Variants in NDST3 observed in about 807,000 individuals in gnomAD.
The protein encoded by NDST3 is bifunctional heparan sulfate N-deacetylase/N-sulfotransferase 3.
A neutral mutation model predicts 96.1 loss-of-function variants in NDST3; 58 were observed. The ratio of observed to expected loss-of-function variants is 0.60; its 90% CI spans 0.49 to 0.75. The LOEUF is 0.75. Among genes scored for constraint, NDST3 ranks in the 30% least tolerant of loss-of-function variants. NDST3 has a pLI of 0.00. For missense variants in NDST3, 788 were observed against 1,034.2 expected (o/e 0.76, Z 3.27); for synonymous variants, 333 against 359.7 (o/e 0.93, Z 0.84).
chr4:118,133,052 C>G lies in NDST3; in HGVS notation c.1225-5002C>G, dbSNP rs11940880. Among the ~76,000 whole-genome samples, 841 of 152,254 alleles carry G rather than the reference C, an allele frequency of 5.5e-3. 9 individuals carry two copies. Among genetic ancestry groups the G allele is most frequent in the African/African-American group, 0.019 (807 of 41,540 alleles). On this transcript the variant is annotated intron_variant, in intron 4 of 13. Transcript: ENST00000296499. The stretch of plus-strand genomic sequence containing the variant: ...TGGGGGAGGAGTGGCGCAAGCAATC[C>G]TTTAGCTGCTCTGGCTAGTGTCTCC...
chr4:118,213,815 T>C (rs898877495), intron 6 of NDST3, among the ~76,000 whole-genome samples: 2 of 151,670 alleles, frequency 1.3e-5, no homozygotes, highest in African/African-American at 4.8e-5. Context: ...ACATTTTCTG[T>C]TTTTTACCTT....
At chr4:118,239,815 C>T (rs115472371) in intron 10 of NDST3, among the ~76,000 whole-genome samples, 11 of 152,264 alleles carry the variant, frequency 7.2e-5, no homozygotes, top group Non-Finnish European at 2.9e-5. Flanking sequence ...AAACTCACCA[C>T]TAAGCCTGAA....
At chr4:118,254,111 G>A (rs1056909917) in intron 13 of NDST3, among the ~76,000 whole-genome samples, 4 of 152,040 alleles carry the variant, frequency 2.6e-5, no homozygotes, top group Non-Finnish European at 4.4e-5. Flanking sequence ...TGGGCATGGT[G>A]GCAGGCACCT....
In NDST3 at chr4:118,241,602, C is replaced by A. The variant is rs187133786; in HGVS notation, c.2290-438C>A. Reference sequence around the variant, plus strand: ...TGGATTATCGAAATATTTCTTCAAACCTGACAGTGCTATTCCTGAAAGGAA... The same window carrying A: ...TGGATTATCGAAATATTTCTTCAAAACTGACAGTGCTATTCCTGAAAGGAA... On this transcript the variant is annotated intron_variant, in intron 11 of 13. Coordinates refer to ENST00000296499, the MANE Select transcript of NDST3 (RefSeq NM_004784.3). Among the ~76,000 whole-genome samples the A allele has an allele frequency of 7.9e-5, 12 of 152,352 alleles. No individual in the cohort carries two copies. In the East Asian group the frequency reaches 2.3e-3, roughly 29 times the overall value.
At chr4:118,105,333 T>C (rs550656741) in intron 3 of NDST3, among the ~76,000 whole-genome samples, 30 of 152,308 alleles carry the variant, frequency 2.0e-4, no homozygotes, top group Non-Finnish European at 4.0e-4. Context: ...ATAATTTACA[T>C]ATATAGAAGT....
intron 2 of NDST3, among the ~76,000 whole-genome samples, chr4:118,075,465 A>G (rs1484599784): frequency 2.0e-5 from 3 of 152,210 alleles, no homozygotes; most frequent in Non-Finnish European, 2.9e-5. Flanking sequence ...TCCTTGAGGA[A>G]TCACCACACT....
rs566100457 is a variant in NDST3, at chr4:118,149,121, T to A, written c.1539+5437T>A. Among the ~76,000 whole-genome samples, 10 of 152,314 alleles carry A rather than the reference T, an allele frequency of 6.6e-5. No individual in the cohort carries two copies. In the East Asian group the frequency reaches 1.9e-3, roughly 29 times the overall value. Reference sequence around the variant, plus strand: ...TCTGTTCCATTGATCTATATCTGTGTTTTGGTACCAGTACCATGCTGTTTT... The same window carrying A: ...TCTGTTCCATTGATCTATATCTGTGATTTGGTACCAGTACCATGCTGTTTT... On this transcript the variant is annotated intron_variant, in intron 6 of 13. Transcript: ENST00000296499.
intron 12 of NDST3, 28 bp downstream of exon 12, chr4:118,242,177 G>A (rs1741048482): frequency 2.8e-6 from 4 of 1,438,604 alleles, no homozygotes; most frequent in East Asian, 4.6e-5. Flanking sequence ...TTAGTTTATT[G>A]ACATTTCAGC....
At chr4:118,209,649 T>A (rs1175727867) in intron 6 of NDST3, among the ~76,000 whole-genome samples, 1 of 152,164 alleles carries the variant, frequency 6.6e-6, no homozygotes, top group Non-Finnish European at 1.5e-5. Context: ...ACATAAATGT[T>A]ATAAAAAAGA....
intron 4 of NDST3, among the ~76,000 whole-genome samples, chr4:118,137,269 T>C (rs1405279578): frequency 1.3e-5 from 2 of 152,090 alleles, no homozygotes; most frequent in Middle Eastern, 3.4e-3. Flanking sequence ...AAAAAATACC[T>C]GTCAACTACT....
chr4:118,069,264 T>C (rs1726847532), intron 2 of NDST3, among the ~76,000 whole-genome samples: 1 of 152,092 alleles, frequency 6.6e-6, no homozygotes. Context: ...AGGTTAATTA[T>C]ACTTCAGGTT....
intron 2 of NDST3, among the ~76,000 whole-genome samples, chr4:118,101,113 A>G (rs17692850): frequency 0.52 from 79,694 of 151,938 alleles, 25,172 homozygotes; most frequent in East Asian, 0.73. Context: ...TTATCAAGAC[A>G]TTCCACCAAG....
intron 4 of NDST3, among the ~76,000 whole-genome samples, chr4:118,137,758 C>T (rs1359067072): frequency 6.6e-6 from 1 of 152,092 alleles, no homozygotes; most frequent in East Asian, 1.9e-4. Flanking sequence ...AATAGGAAAA[C>T]AGGTGGCTAC....
chr4:118,169,286 G>A (rs1170456194), intron 6 of NDST3, among the ~76,000 whole-genome samples: 1 of 152,172 alleles, frequency 6.6e-6, no homozygotes, highest in East Asian at 1.9e-4. Flanking sequence ...TTAAAAATAG[G>A]AAGAAAGAGG....
chr4:118,165,920 GA>G (rs1429669985), intron 6 of NDST3, among the ~76,000 whole-genome samples: 2 of 151,986 alleles, frequency 1.3e-5, no homozygotes, highest in East Asian at 3.9e-4. Context: ...GCAGTATTAT[GA>G]GGGAAGTTTA....
chr4:118,126,018 C>T (rs1732029664), intron 4 of NDST3, among the ~76,000 whole-genome samples: 3 of 151,944 alleles, frequency 2.0e-5, no homozygotes, highest in Non-Finnish European at 2.9e-5. Context: ...CCAGTGATTG[C>T]GGCTACTACA....
chr4:118,185,271 C>T (rs934473694), intron 6 of NDST3, among the ~76,000 whole-genome samples: 3 of 151,770 alleles, frequency 2.0e-5, no homozygotes, highest in Non-Finnish European at 4.4e-5. Flanking sequence ...TATATACAAA[C>T]TAAACACATT....
chr4:118,104,953 A>T, intron 2 of NDST3, 65 bp from the exon 3 acceptor site: 1 of 1,294,456 alleles, frequency 7.7e-7, no homozygotes. Context: ...CAAAAAGGAT[A>T]TATCTTTTGG....
rs182226181 is a variant in NDST3 at position 118,218,277 on chromosome 4, G to A, written c.1540-6214G>A. ...CAAGCCAATATCCCTGATGAACATC[G>A]ACATGAAAATCCTCAGTAAAATACT... On this transcript the variant is annotated intron_variant, in intron 6 of 13. Transcript: ENST00000296499. Among the ~76,000 whole-genome samples the A allele has an allele frequency of 7.9e-4, 120 of 152,136 alleles. 2 individuals carry two copies. The highest frequency in any genetic ancestry group is 6.8e-3 in the Middle Eastern group (2 of 294).
Sources: allele counts gnomAD v4.1 joint callset (sites outside exome capture counted in the v4.1 genomes callset), GRCh38; gene constraint gnomAD v4.1.1; transcripts MANE v1.5; gene names NCBI Gene and HGNC (gene_info 2026-07-23, HGNC 2026-07-21).